The following PRKN variants were observed in gnomAD, a reference collection of about 807,000 sequenced individuals.
PRKN encodes the protein parkin RBR E3 ubiquitin protein ligase, also known as E3 ubiquitin-protein ligase parkin.
A neutral mutation model predicts 59.5 loss-of-function variants in PRKN; 56 were observed. The ratio of observed to expected loss-of-function variants is 0.94; its 90% confidence interval spans 0.76 to 1.18. The LOEUF is 1.18. Ranked by LOEUF, PRKN falls within the 50% of genes most tolerant of loss-of-function variation. PRKN has a pLI of 0.00. For missense variants in PRKN, 657 were observed against 596.4 expected, an observed-to-expected ratio of 1.10 and a Z score of -1.06; for synonymous variants, 250 against 222.1, an observed-to-expected ratio of 1.13 and a Z score of -1.12.
intron 7 of PRKN, among the ~76,000 whole-genome samples, chr6:161,781,458 T>C (rs977158980): frequency 1.3e-5 from 2 of 152,168 alleles, no homozygotes. Flanking sequence ...GAGGATGGCA[T>C]TGGCATACTG....
chr6:162,461,172 C>T (rs557571587), intron 1 of PRKN, among the ~76,000 whole-genome samples: 1 of 143,336 alleles, frequency 7.0e-6, no homozygotes, highest in African/African-American at 2.6e-5. Flanking sequence ...AGGGCTTGTG[C>T]CATGCGTACC....
At chr6:161,366,736 C>CA (rs1322958848) in intron 10 of PRKN, among the ~76,000 whole-genome samples, 1 of 152,106 alleles carries the variant, frequency 6.6e-6, no homozygotes, top group Non-Finnish European at 1.5e-5. Flanking sequence ...AAACTGTGTT[C>CA]AAATGAGGCC....
intron 2 of PRKN, among the ~76,000 whole-genome samples, chr6:162,380,536 T>C (rs1394516420): frequency 1.0e-4 from 15 of 143,648 alleles, no homozygotes; most frequent in African/African-American, 2.3e-4. Flanking sequence ...TATATATACA[T>C]ATATATATGT....
intron 6 of PRKN, among the ~76,000 whole-genome samples, chr6:161,816,994 A>G (rs971236316): frequency 2.6e-5 from 4 of 152,078 alleles, no homozygotes; most frequent in African/African-American, 7.2e-5. Context: ...CATTACTTTC[A>G]TACACACACA....
At chr6:162,599,685 A>G (rs921344815) in intron 1 of PRKN, among the ~76,000 whole-genome samples, 3 of 152,172 alleles carry the variant, frequency 2.0e-5, no homozygotes, top group Non-Finnish European at 4.4e-5. Flanking sequence ...ACACGTGGCC[A>G]TTCTTCCCGA....
intron 7 of PRKN, among the ~76,000 whole-genome samples, chr6:161,763,598 G>T (rs1036232207): frequency 1.3e-5 from 2 of 152,046 alleles, no homozygotes; most frequent in African/African-American, 4.8e-5. Flanking sequence ...TGCACTGCCC[G>T]TTGCTGTGAG....
chr6:162,479,022 A>G (rs1003627751), intron 1 of PRKN, among the ~76,000 whole-genome samples: 1 of 152,130 alleles, frequency 6.6e-6, no homozygotes, highest in Non-Finnish European at 1.5e-5. Flanking sequence ...CTAAAGTTAG[A>G]AAAAAACATT....
At chr6:162,645,502 T>A (rs1389101628) in intron 1 of PRKN, among the ~76,000 whole-genome samples, 1 of 152,158 alleles carries the variant, frequency 6.6e-6, no homozygotes, top group Non-Finnish European at 1.5e-5. Flanking sequence ...TTCTCTTTCA[T>A]AGCATGGAAA....
chr6:162,389,654 T>C (rs1787060108), intron 2 of PRKN, among the ~76,000 whole-genome samples: 1 of 152,218 alleles, frequency 6.6e-6, no homozygotes, highest in Non-Finnish European at 1.5e-5. Context: ...TACTAATATC[T>C]GTATAAACCA....
chr6:161,355,502 A>G lies in PRKN; in HGVS notation c.1285+4586T>C, dbSNP rs1743255127. Among the ~76,000 whole-genome samples, 1 of 152,072 alleles carries G rather than the reference A, an allele frequency of 6.6e-6. No homozygotes were observed. Among genetic ancestry groups the G allele is most frequent in the Admixed American group, 6.5e-5 (1 of 15,272 alleles). ...CTGCAACCTCCACCTCCTGGGTTCA[A>G]CCAATTCTTGTGTCTCGGCCTCCCG... On this transcript the variant is annotated intron_variant, in intron 11 of 11. Transcript: ENST00000366898. The surrounding 1 kb of genome is among the most constrained non-coding windows in gnomAD (Gnocchi z 6.8).
rs572306809 is a variant in PRKN, at chr6:162,291,171, T to C, written c.172-28406A>G. The stretch of plus-strand genomic sequence containing the variant: ...AAATGTGGAGGGTTATCATCATAAA[T>C]CATGTTAGAAACTAGGGCAAGAAAC... On this transcript the variant is annotated intron_variant, in intron 2 of 11. Coordinates refer to ENST00000366898, the MANE Select transcript of PRKN (RefSeq NM_004562.3). 8.5e-5 allele frequency among the ~76,000 whole-genome samples: 13 copies of C among 152,122 alleles called. No homozygotes were observed. In the East Asian group the frequency reaches 2.3e-3, roughly 27 times the overall value.
At chr6:162,491,656 AG>A (rs1246671154) in intron 1 of PRKN, among the ~76,000 whole-genome samples, 1 of 152,172 alleles carries the variant, frequency 6.6e-6, no homozygotes, top group African/African-American at 2.4e-5. Context: ...CAGCTGGCTC[AG>A]GGGGTCAGGC....
chr6:162,429,427 T>G (rs1460018415), intron 2 of PRKN, among the ~76,000 whole-genome samples: 1 of 152,114 alleles, frequency 6.6e-6, no homozygotes, highest in African/African-American at 2.4e-5. Flanking sequence ...AAAGAGGAAC[T>G]CAAGAGTCCT....
intron 4 of PRKN, among the ~76,000 whole-genome samples, chr6:162,181,629 A>G (rs542057061): frequency 6.6e-6 from 1 of 152,336 alleles, no homozygotes; most frequent in Admixed American, 6.5e-5. Flanking sequence ...GAGATACAAA[A>G]TAACAACAGC....
In PRKN at chr6:162,339,453, G is replaced by C. The variant is rs571061419; in HGVS notation, c.172-76688C>G. On this transcript the variant is annotated intron_variant, in intron 2 of 11. Coordinates refer to ENST00000366898, the MANE Select transcript of PRKN (RefSeq NM_004562.3). The stretch of plus-strand genomic sequence containing the variant: ...GAGGTGAGGGGCGCCTCTGCCCGGC[G>C]GCCCCTACTGGGAAGTGAGGAGCCC... Among the ~76,000 whole-genome samples, 128 of 58,170 alleles carry C rather than the reference G, an allele frequency of 2.2e-3. 3 individuals are homozygous for C. The highest frequency in any genetic ancestry group is 0.013 in the Middle Eastern group (1 of 78). 38.2% of individuals were successfully genotyped at this position (58,170 alleles called of 152,430 possible).
intron 9 of PRKN, among the ~76,000 whole-genome samples, chr6:161,406,303 C>CAA (rs1399468269): frequency 2.0e-5 from 3 of 151,708 alleles, no homozygotes; most frequent in Non-Finnish European, 4.4e-5. Flanking sequence ...CAATTTTTTT[C>CAA]AAAGTCATGA....
At chr6:161,945,223 C>A (rs1412888229) in intron 6 of PRKN, among the ~76,000 whole-genome samples, 1 of 152,042 alleles carries the variant, frequency 6.6e-6, no homozygotes, top group Non-Finnish European at 1.5e-5. Flanking sequence ...CTATTGCTCA[C>A]ATGCAGACAT....
In PRKN at chr6:161,525,857, G is replaced by A. The variant is rs544180730; in HGVS notation, c.1083+22997C>T. Among the ~76,000 whole-genome samples, 29 of 152,246 alleles carry A rather than the reference G, an allele frequency of 1.9e-4. No homozygotes were observed. Among genetic ancestry groups the A allele is most frequent in the African/African-American group, 6.7e-4 (28 of 41,554 alleles). ...ATATAATAAAAAATAATTATTTAAA[G>A]TAATTTTTGGAAAACAACCCAATAA... On this transcript the variant is annotated intron_variant, in intron 9 of 11. Coordinates refer to ENST00000366898, the MANE Select transcript of PRKN (RefSeq NM_004562.3). The surrounding 1 kb of genome is among the most constrained non-coding windows in gnomAD (Gnocchi z 4.7).
intron 7 of PRKN, among the ~76,000 whole-genome samples, chr6:161,711,380 G>T (rs964512047): frequency 4.6e-5 from 7 of 152,098 alleles, no homozygotes; most frequent in Admixed American, 3.9e-4. Flanking sequence ...ATATAGAAAG[G>T]TACATATATG....
Sources: allele counts gnomAD v4.1 joint callset (sites outside exome capture counted in the v4.1 genomes callset), GRCh38; gene constraint gnomAD v4.1.1; non-coding constraint Gnocchi (gnomAD v3.1); transcripts MANE v1.5; gene names NCBI Gene and HGNC (gene_info 2026-07-23, HGNC 2026-07-21).